The following RSPH14 variants were observed in gnomAD, a reference collection of about 807,000 sequenced individuals.
RSPH14 encodes the protein rhabdoid tumor deletion region gene 1.
Under a neutral mutation model 26.7 loss-of-function variants are expected in RSPH14, and 20 were observed. The observed-to-expected ratio is 0.75, with a 90% CI of 0.53 to 1.09. RSPH14 has a LOEUF of 1.09. RSPH14 is among the 50% of genes least tolerant of loss of function. The pLI is 0.00. For missense variants in RSPH14, 449 were observed against 457.2 expected (o/e 0.98, Z 0.16); for synonymous variants, 177 against 189.3 (o/e 0.93, Z 0.53).
At chr22:23,161,270 C>T in the RSPH14 span, among the ~76,000 whole-genome samples, 1 of 152,154 alleles carries the variant, frequency 6.6e-6, no homozygotes. Context: ...GGCTGGGCGT[C>T]CCAGGCTCTG....
chr22:23,087,771 C>T (rs545224875), intron 4 of RSPH14, among the ~76,000 whole-genome samples: 1 of 152,046 alleles, frequency 6.6e-6, no homozygotes, highest in East Asian at 1.9e-4. Flanking sequence ...TGGGTGGGGG[C>T]CACAAGATCA....
At chr22:23,173,376 C>T in the RSPH14 span, among the ~76,000 whole-genome samples, 13 of 152,166 alleles carry the variant, frequency 8.5e-5, no homozygotes, top group Admixed American at 3.3e-4. Context: ...CCTCGTGAGC[C>T]GCCCGCCTCG....
At position 23,112,904 on chromosome 22, in the gene RSPH14, A is replaced by AC. The variant is rs146669735; in HGVS notation, c.421+21121dup. On this transcript the variant is annotated intron_variant, in intron 4 of 6. Coordinates refer to ENST00000216036, the MANE Select transcript of RSPH14 (RefSeq NM_014433.3). ...CCCACAGCTCCAGCTGGGCAGAGCT[A>AC]CCCCATGCTGTGCTGTGCCATGGAA... Among the ~76,000 whole-genome samples, 890 of 152,292 alleles carry AC rather than the reference A, an allele frequency of 5.8e-3. 10 individuals carry two copies. The highest frequency in any genetic ancestry group is 0.021 in the African/African-American group (854 of 41,556).
intron 4 of RSPH14, among the ~76,000 whole-genome samples, chr22:23,130,084 G>GAAAGA (rs2070291467): frequency 5.8e-5 from 3 of 51,756 alleles, no homozygotes; most frequent in African/African-American, 2.3e-4. Context: ...AGAAAGAAAG[G>GAAAGA]AAGAAAGAAA....
intron 4 of RSPH14, among the ~76,000 whole-genome samples, chr22:23,065,868 G>A (rs2068199124): frequency 6.6e-6 from 1 of 152,120 alleles, no homozygotes; most frequent in Non-Finnish European, 1.5e-5. Context: ...CACAGCCCAA[G>A]CCCTGCAGAT....
At chr22:23,103,030 C>T (rs998011702) in intron 4 of RSPH14, among the ~76,000 whole-genome samples, 10 of 152,162 alleles carry the variant, frequency 6.6e-5, no homozygotes, top group African/African-American at 1.4e-4. Flanking sequence ...GAGTTCTCTT[C>T]GGCACCATGC....
chr22:23,155,133 A>G, the RSPH14 span, among the ~76,000 whole-genome samples: 3 of 152,204 alleles, frequency 2.0e-5, no homozygotes, highest in Non-Finnish European at 2.9e-5. Context: ...CTCAAAAAAA[A>G]AGAAAAAAAT....
At chr22:23,133,205 G>C (rs983650366) in intron 4 of RSPH14, among the ~76,000 whole-genome samples, 1 of 152,112 alleles carries the variant, frequency 6.6e-6, no homozygotes, top group African/African-American at 2.4e-5. Flanking sequence ...TCAGATGTCC[G>C]TCAGCAACGG....
chr22:23,174,622 C>T, the RSPH14 span, among the ~76,000 whole-genome samples: 3 of 151,572 alleles, frequency 2.0e-5, no homozygotes, highest in South Asian at 2.1e-4. Flanking sequence ...CTCATCAAAT[C>T]GCACTCCTTA....
chr22:23,158,805 C>T, the RSPH14 span: 1 of 1,141,132 alleles, frequency 8.8e-7, no homozygotes, highest in Non-Finnish European at 1.3e-6. Flanking sequence ...CAGCCCAGCA[C>T]TTCAGCCCTG....
chr22:23,142,129 A>C, upstream of RSPH14: 1 of 696,538 alleles, frequency 1.4e-6, no homozygotes, highest in Non-Finnish European at 1.8e-6. Context: ...AGCGGGAACA[A>C]TCATTTACAG....
chr22:23,171,542 C>A, the RSPH14 span, among the ~76,000 whole-genome samples: 22 of 152,230 alleles, frequency 1.4e-4, no homozygotes, highest in East Asian at 3.7e-3. Context: ...TGTACATACA[C>A]ATTCAAGTAA....
chr22:23,116,396 G>A (rs1243365871), intron 4 of RSPH14, among the ~76,000 whole-genome samples: 1 of 152,244 alleles, frequency 6.6e-6, no homozygotes, highest in African/African-American at 2.4e-5. Flanking sequence ...CTGTGACAGG[G>A]CACCTGAGGA....
At chr22:23,082,634 A>C (rs2068715374) in intron 4 of RSPH14, among the ~76,000 whole-genome samples, 1 of 152,134 alleles carries the variant, frequency 6.6e-6, no homozygotes, top group Admixed American at 6.5e-5. Flanking sequence ...GCCAAGTATG[A>C]GGAGGAGGCT....
upstream of RSPH14, among the ~76,000 whole-genome samples, chr22:23,148,829 T>C (rs1233479791): frequency 6.6e-6 from 1 of 152,320 alleles, no homozygotes; most frequent in African/African-American, 2.4e-5. Flanking sequence ...AAAGCTGTCA[T>C]GGAAGCTGAC....
chr22:23,142,254 A>G (rs1267406851), upstream of RSPH14, among the ~76,000 whole-genome samples: 1 of 152,184 alleles, frequency 6.6e-6, no homozygotes, highest in African/African-American at 2.4e-5. Context: ...TGATCCTCAG[A>G]GTAAATTCAT....
At chr22:23,066,202 C>T (rs2068208280) in intron 4 of RSPH14, among the ~76,000 whole-genome samples, 1 of 152,168 alleles carries the variant, frequency 6.6e-6, no homozygotes, top group African/African-American at 2.4e-5. Context: ...ATTTTCAAAT[C>T]AGGGCTAGAT....
chr22:23,134,418 T>C (rs1329662842), intron 3 of RSPH14, among the ~76,000 whole-genome samples: 5 of 152,098 alleles, frequency 3.3e-5, no homozygotes, highest in African/African-American at 1.2e-4. Context: ...TGCTTGTTGT[T>C]ATCATTATAT....
At chr22:23,089,130 G>A (rs1233564161) in intron 4 of RSPH14, among the ~76,000 whole-genome samples, 2 of 152,196 alleles carry the variant, frequency 1.3e-5, no homozygotes, top group Non-Finnish European at 2.9e-5. Context: ...TGGAGAGTGA[G>A]GGGCTGGACT....
Sources: gnomAD v4.1 joint callset for allele counts (sites outside exome capture counted in the v4.1 genomes callset) on GRCh38, gnomAD v4.1.1 for gene constraint, MANE v1.5 for transcripts, NCBI Gene and HGNC (gene_info 2026-07-23, HGNC 2026-07-21) for gene names.